CTNNA3: variants seen among roughly 807,000 people sequenced by gnomAD.
CTNNA3 encodes catenin alpha 3, also known as catenin alpha-3.
CTNNA3 carries 76 observed loss-of-function variants against 95.7 expected under a neutral mutation model. The observed-to-expected ratio is 0.79, with a 90% CI of 0.66 to 0.96. The LOEUF is 0.96. CTNNA3 is among the 40% of genes least tolerant of loss of function. The probability of loss-of-function intolerance (pLI) is 0.00; values close to 1 mark genes in which losing one functional copy is unlikely to be tolerated. For missense variants in CTNNA3, 1,191 were observed against 1,089.8 expected, an observed-to-expected ratio of 1.09 and a Z score of -1.31; for synonymous variants, 431 against 374.4, an observed-to-expected ratio of 1.15 and a Z score of -1.74.
At chr10:66,937,294 T>C (rs1218574444) in intron 7 of CTNNA3, among the ~76,000 whole-genome samples, 1 of 152,164 alleles carries the variant, frequency 6.6e-6, no homozygotes, top group African/African-American at 2.4e-5. Flanking sequence ...CATGGGATTG[T>C]TGCAAGAAGG....
intron 12 of CTNNA3, among the ~76,000 whole-genome samples, chr10:66,322,147 T>G (rs1214415281): frequency 6.6e-6 from 1 of 152,118 alleles, no homozygotes; most frequent in Non-Finnish European, 1.5e-5. Context: ...TGAAGAGCTC[T>G]AAGTAGAGGA....
intron 15 of CTNNA3, among the ~76,000 whole-genome samples, chr10:66,045,735 T>C (rs1423426473): frequency 1.3e-5 from 2 of 152,152 alleles, no homozygotes; most frequent in South Asian, 2.1e-4. Flanking sequence ...ACTGAAAATA[T>C]GAGTATTCCT....
At chr10:67,387,982 A>G (rs1466876888) in intron 5 of CTNNA3, among the ~76,000 whole-genome samples, 2 of 152,112 alleles carry the variant, frequency 1.3e-5, no homozygotes, top group African/African-American at 4.8e-5. Context: ...GAAAAACTGG[A>G]AACTCTAAAA....
intron 13 of CTNNA3, among the ~76,000 whole-genome samples, chr10:66,121,119 C>T (rs2082554609): frequency 6.6e-6 from 1 of 152,158 alleles, no homozygotes; most frequent in African/African-American, 2.4e-5. Context: ...GCCTACTAGC[C>T]TTCTCTCAAA....
intron 7 of CTNNA3, among the ~76,000 whole-genome samples, chr10:66,834,902 C>A (rs1179237783): frequency 2.0e-5 from 3 of 152,120 alleles, no homozygotes; most frequent in Non-Finnish European, 1.5e-5. Context: ...TTATCCTATT[C>A]AAAGAAAATA....
chr10:67,336,679 T>G (rs1317989944), intron 5 of CTNNA3, among the ~76,000 whole-genome samples: 1 of 152,210 alleles, frequency 6.6e-6, no homozygotes, highest in African/African-American at 2.4e-5. Flanking sequence ...AGGTGGACTC[T>G]CTTGCTGGGG....
intron 5 of CTNNA3, among the ~76,000 whole-genome samples, chr10:67,330,582 C>A (rs983301974): frequency 1.3e-5 from 2 of 152,108 alleles, no homozygotes; most frequent in African/African-American, 4.8e-5. Flanking sequence ...TACACAGGAT[C>A]ATGGGAGGCA....
chr10:67,213,565 A>G (rs900284108), intron 6 of CTNNA3, among the ~76,000 whole-genome samples: 3 of 151,694 alleles, frequency 2.0e-5, no homozygotes, highest in Non-Finnish European at 4.4e-5. Flanking sequence ...TCCTAATATA[A>G]GCATGTATAG....
chr10:66,332,579 A>C (rs2132324988), intron 12 of CTNNA3, among the ~76,000 whole-genome samples: 1 of 152,178 alleles, frequency 6.6e-6, no homozygotes. Context: ...CATGAAGCCC[A>C]CTTGATCATG....
intron 15 of CTNNA3, 89 bp downstream of exon 15, chr10:66,069,219 C>A: frequency 7.5e-7 from 1 of 1,331,632 alleles, no homozygotes; most frequent in South Asian, 1.2e-5. Context: ...ATTTTTGGCA[C>A]TTGACACTCA....
chr10:67,237,119 G>GGT (rs1353293884), intron 5 of CTNNA3, among the ~76,000 whole-genome samples: 106 of 45,126 alleles, frequency 2.3e-3, no homozygotes, highest in Middle Eastern at 0.024. Flanking sequence ...AAGAAACTAT[G>GGT]GTGTATGTAT....
At chr10:66,926,601 T>C (rs990545516) in intron 7 of CTNNA3, 52 of 1,613,718 alleles carry the variant, frequency 3.2e-5, no homozygotes, top group Non-Finnish European at 4.2e-5. Context: ...TGTTTTGTCA[T>C]TTTTCTTCTT....
intron 7 of CTNNA3, among the ~76,000 whole-genome samples, chr10:67,042,019 G>A (rs931670964): frequency 1.3e-5 from 2 of 152,114 alleles, no homozygotes; most frequent in Admixed American, 6.6e-5. Context: ...TACGTGTGAA[G>A]GGATAGGAGA....
intron 5 of CTNNA3, among the ~76,000 whole-genome samples, chr10:67,281,055 T>A (rs1839381190): frequency 6.6e-6 from 1 of 152,156 alleles, no homozygotes; most frequent in African/African-American, 2.4e-5. Flanking sequence ...GTTTGACATT[T>A]TCATCATTAT....
At chr10:67,393,421 AC>A (rs1216287300) in intron 5 of CTNNA3, among the ~76,000 whole-genome samples, 1 of 152,188 alleles carries the variant, frequency 6.6e-6, no homozygotes, top group Non-Finnish European at 1.5e-5. Flanking sequence ...ATATGGCAAC[AC>A]TTTTCAGAGC....
At chr10:66,450,646 A>T (rs1325759017) in intron 11 of CTNNA3, among the ~76,000 whole-genome samples, 1 of 152,140 alleles carries the variant, frequency 6.6e-6, no homozygotes, top group African/African-American at 2.4e-5. Flanking sequence ...ATCTTGCTCC[A>T]TTGATATAAC....
At chr10:66,162,140 T>C (rs190388909) in intron 13 of CTNNA3, among the ~76,000 whole-genome samples, 6 of 152,276 alleles carry the variant, frequency 3.9e-5, no homozygotes, top group African/African-American at 1.4e-4. Context: ...TGCATTGGGC[T>C]TTGCCTTTCT....
At chr10:66,157,522 GAT>G (rs2084603226) in intron 13 of CTNNA3, among the ~76,000 whole-genome samples, 2 of 120,038 alleles carry the variant, frequency 1.7e-5, no homozygotes, top group East Asian at 2.9e-4. Context: ...TAGATAGATA[GAT>G]AGATAGATAG....
At chr10:66,171,977 C>T (rs67250622) in intron 13 of CTNNA3, among the ~76,000 whole-genome samples, 13,345 of 152,102 alleles carry the variant, frequency 0.088, 1,031 homozygotes, top group African/African-American at 0.21. Flanking sequence ...ATATGAATTT[C>T]GCTAATGGAA....
Sources: gnomAD v4.1 joint callset for allele counts (sites outside exome capture counted in the v4.1 genomes callset) on GRCh38, gnomAD v4.1.1 for gene constraint, MANE v1.5 for transcripts, NCBI Gene and HGNC (gene_info 2026-07-23, HGNC 2026-07-21) for gene names.